Variants in ADCY7 observed in about 807,000 individuals in gnomAD.
The protein encoded by ADCY7 is adenylate cyclase type 7.
In ADCY7, 72 loss-of-function variants were observed where a neutral mutation model predicts 120.6. That is an observed-to-expected ratio of 0.60 (90% CI 0.49 to 0.73). The LOEUF is 0.73. ADCY7 is among the 30% of genes least tolerant of loss of function. ADCY7 has a pLI of 0.00. For missense variants in ADCY7, 1,227 were observed against 1,486.0 expected (o/e 0.83, Z 2.87); for synonymous variants, 661 against 628.0 (o/e 1.05, Z -0.78).
chr16:50,255,878 G>C (rs2032905274), intron 1 of ADCY7, among the ~76,000 whole-genome samples: 1 of 152,172 alleles, frequency 6.6e-6, no homozygotes, highest in Non-Finnish European at 1.5e-5. Flanking sequence ...AGAAGACTGG[G>C]TTTTCACAGG....
intron 24 of ADCY7, chr16:50,314,765 A>G (rs2036703529): frequency 2.1e-6 from 1 of 485,792 alleles, no homozygotes; most frequent in African/African-American, 1.9e-5. Context: ...TTGTTAAAAG[A>G]GAGATTAGCA....
chr16:50,289,032 T>C (rs2034766843), intron 2 of ADCY7, among the ~76,000 whole-genome samples: 1 of 152,216 alleles, frequency 6.6e-6, no homozygotes, highest in Non-Finnish European at 1.5e-5. Context: ...CCAGATAAAC[T>C]ACTCTCATTT....
At position 50,295,857 on chromosome 16, in the gene ADCY7, G is replaced by T. The variant is rs116040839; in HGVS notation, c.948+1106G>T. Among the ~76,000 whole-genome samples, 46 of 152,314 alleles carry T rather than the reference G, an allele frequency of 3.0e-4. 2 individuals are homozygous for T. The highest frequency in any genetic ancestry group is 1.1e-3 in the African/African-American group (44 of 41,570). On this transcript the variant is annotated intron_variant, in intron 7 of 25. Transcript: ENST00000673801. ...ATGGTATGTGCTTTGAAGAAGAGAAGTGTGGGGGCCAGGAAGCCTGGGGAG... is the reference window on the plus strand; with the variant it reads ...ATGGTATGTGCTTTGAAGAAGAGAATTGTGGGGGCCAGGAAGCCTGGGGAG...
upstream of ADCY7, among the ~76,000 whole-genome samples, chr16:50,265,531 G>A (rs1055767479): frequency 6.6e-6 from 1 of 152,208 alleles, no homozygotes; most frequent in Non-Finnish European, 1.5e-5. Flanking sequence ...GGACGCTGGG[G>A]ACACAGCTGT....
rs778823203 is a variant in ADCY7, at chr16:50,315,427, C to G, written c.3165C>G (p.Asn1055Lys). ...GYSCECRGLI[N>K]VKGKGELRTY... ...CTTGTGAATGCCGTGGCCTGATCAA[C>G]GTCAAAGGCAAAGGCGAGCTGAGGA... Residue 1055 changes from asparagine to lysine, a missense_variant, in exon 26 of 26, where the codon AAC (asparagine) becomes AAG (lysine). Physicochemically the swap from Asn to Lys is moderately conservative, Grantham distance 94. Around this residue, in one of 5 missense-constraint regions of ADCY7, gnomAD observed 244 missense variants for 332.8 expected, o/e 0.73. Coordinates refer to ENST00000673801, the MANE Select transcript of ADCY7 (RefSeq NM_001114.5). 1 of 1,614,156 alleles carries G rather than the reference C, an allele frequency of 6.2e-7. No individual in the cohort carries two copies. Among genetic ancestry groups the G allele is most frequent in the South Asian group, 1.1e-5 (1 of 91,080 alleles).
chr16:50,315,310 CA>C, intron 25 of ADCY7, 48 bp from the exon 26 acceptor site: 1 of 1,588,198 alleles, frequency 6.3e-7, no homozygotes, highest in Non-Finnish European at 8.6e-7. Context: ...CCTACCATGA[CA>C]GGTGTTCTTC....
At chr16:50,290,797 G>A in intron 3 of ADCY7, 137 bp downstream of exon 3, 2 of 936,264 alleles carry the variant, frequency 2.1e-6, no homozygotes, top group East Asian at 5.3e-5. Context: ...TTTTGTCCCT[G>A]TGAGTTCTCT....
intron 1 of ADCY7, among the ~76,000 whole-genome samples, chr16:50,253,673 T>C (rs1311192299): frequency 6.6e-6 from 1 of 152,110 alleles, no homozygotes; most frequent in African/African-American, 2.4e-5. Flanking sequence ...CCCACTCTTT[T>C]GTGGTCAGAG....
At chr16:50,294,789 C>T in intron 7 of ADCY7, 38 bp downstream of exon 7, 1 of 1,468,810 alleles carries the variant, frequency 6.8e-7, no homozygotes, top group African/African-American at 1.4e-5. Flanking sequence ...AGCCAGGCCC[C>T]TCCCCTGCCT....
chr16:50,269,141 T>C (rs1018188511), intron 1 of ADCY7, among the ~76,000 whole-genome samples: 1 of 152,124 alleles, frequency 6.6e-6, no homozygotes, highest in Admixed American at 6.5e-5. Context: ...TTTGACCCAT[T>C]CCCCACCTCC....
chr16:50,310,820 G>A lies in ADCY7; in HGVS notation c.2294G>A (p.Trp765Ter). Reference sequence around the variant, plus strand: ...GTGCTCTTCAACCTCTCCCCATGCTGGCAGTGGGACTGCTGCGGCCAAGGC... The same window carrying A: ...GTGCTCTTCAACCTCTCCCCATGCTAGCAGTGGGACTGCTGCGGCCAAGGC... The part of the protein sequence containing the change: ...YLVLFNLSPC[W>*]QWDCCGQGLG... The change falls in exon 19 of 26, where the codon TGG (tryptophan) becomes TAG (stop). Residue 765 changes from tryptophan to a stop codon, truncating the protein, a stop_gained. Coordinates refer to ENST00000673801, the MANE Select transcript of ADCY7 (RefSeq NM_001114.5). LOFTEE classifies it high-confidence loss of function. 1 of 1,613,858 alleles carries A rather than the reference G, an allele frequency of 6.2e-7. No individual in the cohort carries two copies. The highest frequency in any genetic ancestry group is 8.5e-7 in the Non-Finnish European group (1 of 1,179,930).
chr16:50,298,755 C>T, intron 7 of ADCY7, 149 bp from the exon 8 acceptor site: 2 of 1,156,620 alleles, frequency 1.7e-6, no homozygotes, highest in Non-Finnish European at 2.4e-6. Context: ...TTGCCAGGCC[C>T]AGAAGTGGCT....
chr16:50,301,037 C>G (rs761812162), intron 9 of ADCY7, 45 bp from the exon 10 acceptor site: 2 of 1,601,622 alleles, frequency 1.2e-6, no homozygotes, highest in African/African-American at 1.3e-5. Flanking sequence ...TGGATGCCAG[C>G]CCTCTCTGGG....
intron 1 of ADCY7, among the ~76,000 whole-genome samples, chr16:50,254,476 G>T (rs543585298): frequency 5.3e-5 from 8 of 152,224 alleles, no homozygotes; most frequent in Non-Finnish European, 1.2e-4. Context: ...TCATGTTTCT[G>T]TATGTTAGCT....
intron 1 of ADCY7, among the ~76,000 whole-genome samples, chr16:50,273,090 T>C (rs1313778338): frequency 6.6e-6 from 1 of 152,146 alleles, no homozygotes; most frequent in East Asian, 1.9e-4. Context: ...CCAGTGCCTG[T>C]TTATGTCACG....
chr16:50,247,581 T>C (rs2032631015), intron 1 of ADCY7, among the ~76,000 whole-genome samples: 1 of 144,330 alleles, frequency 6.9e-6, no homozygotes, highest in African/African-American at 2.5e-5. Context: ...GGTCTCACTA[T>C]GTTGTCCAGG....
upstream of ADCY7, among the ~76,000 whole-genome samples, chr16:50,245,707 G>A (rs571634147): frequency 2.0e-5 from 3 of 152,240 alleles, no homozygotes; most frequent in South Asian, 6.2e-4. Context: ...GCACTGGCCC[G>A]CCGTCTGTGG....
chr16:50,288,614 A>C (rs1170407210), intron 2 of ADCY7, among the ~76,000 whole-genome samples: 1 of 152,088 alleles, frequency 6.6e-6, no homozygotes, highest in Admixed American at 6.5e-5. Context: ...AGTAGCTAGG[A>C]TGACAGGTGC....
chr16:50,269,592 G>A (rs1328351060), intron 1 of ADCY7, among the ~76,000 whole-genome samples: 1 of 152,180 alleles, frequency 6.6e-6, no homozygotes, highest in Non-Finnish European at 1.5e-5. Flanking sequence ...GAGGTAGGTG[G>A]TTTGTCCACT....
Sources: gnomAD v4.1 joint callset for allele counts (sites outside exome capture counted in the v4.1 genomes callset) on GRCh38, gnomAD v4.1.1 for gene constraint, gnomAD v4.1.1 regional missense constraint, MANE v1.5 for transcripts, NCBI Gene and HGNC (gene_info 2026-07-23, HGNC 2026-07-21) for gene names.